Variants in TMEM26 observed in about 807,000 individuals in gnomAD.
TMEM26 encodes the protein transmembrane protein 26.
A neutral mutation model predicts 28.8 loss-of-function variants in TMEM26; 38 were observed. That is an observed-to-expected ratio of 1.32 (90% CI 1.02 to 1.73). TMEM26 has a LOEUF of 1.73. Among genes scored for constraint, TMEM26 ranks in the 40% most tolerant of loss-of-function variants. The pLI, the probability that TMEM26 is intolerant of heterozygous loss-of-function variation, is 0.00. For missense variants in TMEM26, 518 were observed against 447.1 expected (o/e 1.16, Z -1.43); for synonymous variants, 227 against 182.9 (o/e 1.24, Z -1.95).
intron 1 of TMEM26, among the ~76,000 whole-genome samples, chr10:61,445,439 A>C (rs973930335): frequency 6.6e-6 from 1 of 152,202 alleles, no homozygotes; most frequent in Non-Finnish European, 1.5e-5. Flanking sequence ...TTTTATTCTA[A>C]TAAGTGGATA....
At chr10:61,439,757 G>A (rs919819694) in intron 1 of TMEM26, among the ~76,000 whole-genome samples, 2 of 152,138 alleles carry the variant, frequency 1.3e-5, no homozygotes, top group Non-Finnish European at 2.9e-5. Context: ...TGTATGCAAT[G>A]AGATTGACAC....
intron 1 of TMEM26, among the ~76,000 whole-genome samples, chr10:61,446,575 C>T (rs1292460411): frequency 6.6e-6 from 1 of 151,974 alleles, no homozygotes; most frequent in Non-Finnish European, 1.5e-5. Context: ...AATCCCAGCA[C>T]TTTGGGAGGC....
intron 5 of TMEM26, among the ~76,000 whole-genome samples, chr10:61,411,744 T>A (rs1839572688): frequency 6.6e-6 from 1 of 152,220 alleles, no homozygotes; most frequent in South Asian, 2.1e-4. Context: ...GTAAATTTAA[T>A]TCAGGGTCAA....
At chr10:61,434,262 G>A (rs776510306) in intron 2 of TMEM26, among the ~76,000 whole-genome samples, 1 of 152,142 alleles carries the variant, frequency 6.6e-6, no homozygotes, top group African/African-American at 2.4e-5. Flanking sequence ...ACTACTAAAG[G>A]TTCAGTTTCT....
chr10:61,423,167 A>G (rs1048840314), intron 4 of TMEM26, among the ~76,000 whole-genome samples: 3 of 152,176 alleles, frequency 2.0e-5, no homozygotes, highest in Non-Finnish European at 4.4e-5. Context: ...GAATATCTAA[A>G]TAGACCTATA....
At chr10:61,439,813 T>A (rs1313980103) in intron 1 of TMEM26, among the ~76,000 whole-genome samples, 1 of 152,200 alleles carries the variant, frequency 6.6e-6, no homozygotes, top group Non-Finnish European at 1.5e-5. Context: ...TAGACTCAGC[T>A]CTGAAAATGT....
Position 61,428,945 on chromosome 10 carries a change from G to C in TMEM26, c.586C>G (p.Leu196Val), listed in dbSNP as rs771377979. ...GCTCACCTCACATTTTGTTCTTCTA[G>C]GGTCTCACTTGTGAATTCCAGTATG... ...ADILEFTSET[L>V]EEQNVRNSPA... The change falls in exon 4 of 6, where the codon CTA (leucine) becomes GTA (valine). Residue 196 changes from leucine to valine, a missense_variant. Physicochemically the swap from Leu to Val is conservative, Grantham distance 32. Coordinates refer to ENST00000399298, the MANE Select transcript of TMEM26 (RefSeq NM_178505.8). The C allele has an allele frequency of 1.4e-5, 23 of 1,612,966 alleles. No homozygotes were observed. Among genetic ancestry groups the C allele is most frequent in the Non-Finnish European group, 2.0e-5 (23 of 1,179,300 alleles).
chr10:61,427,474 T>C (rs932646548), intron 4 of TMEM26, among the ~76,000 whole-genome samples: 4 of 152,128 alleles, frequency 2.6e-5, no homozygotes, highest in African/African-American at 7.2e-5. Flanking sequence ...TTTGGGTTTT[T>C]TCGTTCATTT....
At chr10:61,410,807 G>T (rs1042594994) in intron 5 of TMEM26, 61 bp from the exon 6 acceptor site, 55 of 1,520,218 alleles carry the variant, frequency 3.6e-5, no homozygotes, top group Non-Finnish European at 4.8e-5. Flanking sequence ...ATAAGACAAT[G>T]CCATGGGGAC....
Position 61,410,096 on chromosome 10 carries a change from A to T in TMEM26, c.*226T>A, listed in dbSNP as rs913087889. 1 of 567,096 alleles carries T rather than the reference A, an allele frequency of 1.8e-6. No homozygotes were observed. Among genetic ancestry groups the T allele is most frequent in the East Asian group, 3.0e-5 (1 of 33,632 alleles). The allele number at this position is 567,096 out of a possible 1,614,324, so 35.1% of individuals were successfully genotyped here. ...AAACAAATCACTTAGTCGTTGAACA[A>T]CTATAACATCTGATACCATCACACA... On this transcript the variant is annotated 3_prime_UTR_variant, in exon 6 of 6. Transcript: ENST00000399298.
At chr10:61,418,453 A>T (rs1805547017) in intron 4 of TMEM26, among the ~76,000 whole-genome samples, 1 of 152,062 alleles carries the variant, frequency 6.6e-6, no homozygotes, top group South Asian at 2.1e-4. Context: ...AAGGGGCAGA[A>T]ACAGAATTTA....
chr10:61,438,654 A>G (rs985311563), intron 1 of TMEM26, among the ~76,000 whole-genome samples: 4 of 152,222 alleles, frequency 2.6e-5, no homozygotes, highest in African/African-American at 7.2e-5. Flanking sequence ...TCCTGTTTCA[A>G]CGTATTTCCT....
intron 4 of TMEM26, among the ~76,000 whole-genome samples, chr10:61,425,018 A>T (rs1216232508): frequency 2.0e-5 from 3 of 152,204 alleles, no homozygotes; most frequent in Admixed American, 1.3e-4. Flanking sequence ...ATAAAGACAT[A>T]CCCAACACTG....
chr10:61,419,253 T>C (rs1839704082), intron 4 of TMEM26, among the ~76,000 whole-genome samples: 1 of 151,960 alleles, frequency 6.6e-6, no homozygotes, highest in Admixed American at 6.6e-5. Flanking sequence ...AGGAAGTATG[T>C]GATATATAAA....
chr10:61,434,318 C>CT lies in TMEM26; in HGVS notation c.270+1851dup, dbSNP rs556798934. Among the ~76,000 whole-genome samples, 56 of 151,932 alleles carry CT rather than the reference C, an allele frequency of 3.7e-4. No homozygotes were observed. In the East Asian group the frequency reaches 0.01, roughly 28 times the overall value. On this transcript the variant is annotated intron_variant, in intron 2 of 5. Coordinates refer to ENST00000399298, the MANE Select transcript of TMEM26 (RefSeq NM_178505.8). ...GAGCTACTGCTCGGGGCTCAAAAAT[C>CT]TTTTTTTATTAAAAAGGGAACTTTT...
intron 4 of TMEM26, among the ~76,000 whole-genome samples, chr10:61,421,999 A>G (rs1839757251): frequency 6.6e-6 from 1 of 152,144 alleles, no homozygotes; most frequent in Non-Finnish European, 1.5e-5. Context: ...CCAACATAAG[A>G]AAGCTGGAGT....
chr10:61,440,937 C>T (rs553012345), intron 1 of TMEM26, among the ~76,000 whole-genome samples: 11 of 152,252 alleles, frequency 7.2e-5, no homozygotes, highest in African/African-American at 2.6e-4. Flanking sequence ...TTGCATATAA[C>T]CTATGCATAT....
intron 1 of TMEM26, among the ~76,000 whole-genome samples, chr10:61,442,652 C>T (rs912954304): frequency 5.9e-5 from 9 of 152,082 alleles, no homozygotes; most frequent in African/African-American, 1.4e-4. Context: ...GCATGTCCTC[C>T]GTAAAATTTC....
At chr10:61,413,025 T>C in intron 5 of TMEM26, 1 of 1,184,606 alleles carries the variant, frequency 8.4e-7, no homozygotes, top group Non-Finnish European at 1.1e-6. Flanking sequence ...AATTACTTCT[T>C]ACAAATAATA....
Sources: gnomAD v4.1 joint callset for allele counts (sites outside exome capture counted in the v4.1 genomes callset) on GRCh38, gnomAD v4.1.1 for gene constraint, MANE v1.5 for transcripts, NCBI Gene and HGNC (gene_info 2026-07-23, HGNC 2026-07-21) for gene names.